The following DST variants were observed in gnomAD, a reference collection of about 807,000 sequenced individuals.
The protein encoded by DST is bullous pemphigoid antigen.
In DST, 253 loss-of-function variants were observed where a neutral mutation model predicts 875.2. The observed-to-expected ratio is 0.29, with a 90% CI of 0.26 to 0.32. The LOEUF (loss-of-function observed/expected upper bound fraction) is 0.32, where lower values mean the gene tolerates loss of function less well. Among genes scored for constraint, DST ranks in the 10% least tolerant of loss-of-function variants. DST has a pLI of 1.00. For missense variants in DST, 8,287 were observed against 9,111.6 expected, an observed-to-expected ratio of 0.91 and a Z score of 3.68; for synonymous variants, 3,124 against 3,197.1, an observed-to-expected ratio of 0.98 and a Z score of 0.77.
At chr6:56,628,873 T>G (rs1216412966) in intron 32 of DST, among the ~76,000 whole-genome samples, 1 of 152,182 alleles carries the variant, frequency 6.6e-6, no homozygotes, top group Non-Finnish European at 1.5e-5. Flanking sequence ...TATTTACATT[T>G]CTTAAGTCCA....
chr6:56,634,136 G>A lies in DST; in HGVS notation c.3617C>T (p.Ala1206Val). 6.2e-7 allele frequency: 1 copy of A among 1,612,994 alleles called. No individual in the cohort carries two copies. Among genetic ancestry groups the A allele is most frequent in the South Asian group, 1.1e-5 (1 of 91,068 alleles). The change falls in exon 27 of 104, where the codon GCT becomes GTT. Residue 1206 changes from alanine to valine, a missense_variant. Physicochemically the swap from Ala to Val is moderately conservative, Grantham distance 64 (BLOSUM62 0). Coordinates refer to ENST00000680361, the MANE Select transcript of DST (RefSeq NM_001374736.1). ...EIDRIRASNV[A>V]SIKTMLPGEH... is the part of the protein sequence containing the mutation. ...GACATACAGATTCATACTTACTGAA[G>A]CCACATTGCTAGCTCGAATTCTATC...
At chr6:56,860,077 G>A (rs1207119216) in intron 3 of DST, among the ~76,000 whole-genome samples, 1 of 152,144 alleles carries the variant, frequency 6.6e-6, no homozygotes, top group Non-Finnish European at 1.5e-5. Context: ...GTAAATACTG[G>A]AAAATTTTCA....
At chr6:56,668,465 AGCACGGTGGCTCATGCCTGT>A (rs1325658008) in intron 10 of DST, among the ~76,000 whole-genome samples, 1 of 152,158 alleles carries the variant, frequency 6.6e-6, no homozygotes, top group East Asian at 1.9e-4. Context: ...CACGCAGCCA[AGCACGGTGGCTCATGCCTGT>A]AATCCTAGCA....
rs2095245206 is a variant in DST at position 56,477,417 on chromosome 6, C to A, written c.21603G>T (p.Leu7201Phe). The A allele has an allele frequency of 6.2e-7, 1 of 1,613,920 alleles. No homozygotes were observed. The stretch of plus-strand genomic sequence containing the variant: ...TGATGGAGTCGGGGTGGCAGATAGC[C>A]AAAACGGTGTCGCCCATAGTGGTGG... ...NKATTMGDTV[L>F]AICHPDSITT... The change falls in exon 91 of 104, where the codon TTG (leucine) becomes TTT (phenylalanine). Residue 7201 changes from leucine to phenylalanine, a missense_variant. Coordinates refer to ENST00000680361, the MANE Select transcript of DST (RefSeq NM_001374736.1).
chr6:56,632,130 G>A, intron 28 of DST, 90 bp from the exon 29 acceptor site: 5 of 931,106 alleles, frequency 5.4e-6, no homozygotes, highest in Non-Finnish European at 6.6e-6. Flanking sequence ...TTATATTACT[G>A]GGACACAGCT....
intron 10 of DST, among the ~76,000 whole-genome samples, chr6:56,662,691 G>A (rs1218708635): frequency 6.6e-6 from 1 of 152,174 alleles, no homozygotes; most frequent in Admixed American, 6.5e-5. Context: ...TGTAATCCCA[G>A]CACTTTGGGA....
chr6:56,759,252 A>T (rs1490245290), intron 4 of DST, among the ~76,000 whole-genome samples: 1 of 152,148 alleles, frequency 6.6e-6, no homozygotes, highest in Non-Finnish European at 1.5e-5. Flanking sequence ...GGAGTTGGAG[A>T]GCCTGGCCAA....
rs1589650235 is a variant in DST at position 56,752,321 on chromosome 6, C to T, written c.626-17032G>A. Among the ~76,000 whole-genome samples, 5 of 145,710 alleles carry T rather than the reference C, an allele frequency of 3.4e-5. 1 individual carries two copies. The East Asian group carries it at 9.9e-4, about 29-fold the overall frequency. On this transcript the variant is annotated intron_variant, in intron 4 of 103. Transcript: ENST00000680361. ...AAAAAGAGCTTGGCTTGATTTTATG[C>T]TTTTTTTTTTTAAATCAAGGTACAA...
chr6:56,891,688 T>A (rs1252262826), intron 3 of DST, among the ~76,000 whole-genome samples: 1 of 151,628 alleles, frequency 6.6e-6, no homozygotes, highest in Non-Finnish European at 1.5e-5. Flanking sequence ...GAGCCGTGAT[T>A]GCGCGACTGC....
intron 4 of DST, among the ~76,000 whole-genome samples, chr6:56,750,197 A>G (rs919119517): frequency 6.6e-6 from 1 of 152,124 alleles, no homozygotes; most frequent in Non-Finnish European, 1.5e-5. Context: ...AATACCCAAA[A>G]CACAACATGT....
At chr6:56,759,384 G>A (rs1208093659) in intron 4 of DST, among the ~76,000 whole-genome samples, 3 of 152,168 alleles carry the variant, frequency 2.0e-5, no homozygotes, top group Admixed American at 6.5e-5. Context: ...CGGGGAGGCA[G>A]AGGTTGCAGT....
At chr6:56,624,473 G>C (rs764329150) in intron 36 of DST, 57 bp downstream of exon 36, 1 of 1,182,786 alleles carries the variant, frequency 8.5e-7, no homozygotes, top group Non-Finnish European at 1.3e-6. Flanking sequence ...CTACACTGTA[G>C]TTACTGCTCA....
At chr6:56,463,236 AAG>A (rs2094425825) in intron 101 of DST, 80 bp from the exon 102 acceptor site, 1 of 816,470 alleles carries the variant, frequency 1.2e-6, no homozygotes, top group Non-Finnish European at 2.0e-6. Context: ...ATTCATAGCA[AAG>A]AGTCACATTT....
At chr6:56,644,318 C>T (rs143325755) in intron 15 of DST, among the ~76,000 whole-genome samples, 3,758 of 152,222 alleles carry the variant, frequency 0.025, 56 homozygotes, top group South Asian at 0.039. Flanking sequence ...TATTATTATA[C>T]TTTAACATAA....
At chr6:56,772,727 T>C (rs1469455785) in intron 4 of DST, among the ~76,000 whole-genome samples, 2 of 152,264 alleles carry the variant, frequency 1.3e-5, no homozygotes, top group Admixed American at 1.3e-4. Context: ...TCCTCAGGAA[T>C]GTTGCTGCCA....
rs775176105 is a variant in DST at position 56,573,899 on chromosome 6, A to T, written c.13028-12T>A. 3 of 1,596,372 alleles carry T rather than the reference A, an allele frequency of 1.9e-6. No homozygotes were observed. The highest frequency in any genetic ancestry group is 2.6e-6 in the Non-Finnish European group (3 of 1,166,706). On this transcript the variant is annotated splice_polypyrimidine_tract_variant and intron_variant, in intron 50 of 103. Transcript: ENST00000680361. ...CCCAACAATGTCATCTACTCCAAAC[A>T]GATCAGGAATATTAACCACAAAGTT...
At chr6:56,472,034 G>C (rs2094925126) in intron 94 of DST, 25 bp downstream of exon 94, 3 of 1,611,454 alleles carry the variant, frequency 1.9e-6, no homozygotes, top group Non-Finnish European at 2.5e-6. Flanking sequence ...TGACAATGTG[G>C]TGTTGAGGGT....
intron 4 of DST, among the ~76,000 whole-genome samples, chr6:56,791,024 GAA>G (rs1236139990): frequency 6.6e-6 from 1 of 152,240 alleles, no homozygotes; most frequent in Admixed American, 6.5e-5. Context: ...CATGGAATGA[GAA>G]AGAGAGGCCA....
At chr6:56,759,898 T>A (rs1400870662) in intron 4 of DST, among the ~76,000 whole-genome samples, 2 of 152,216 alleles carry the variant, frequency 1.3e-5, no homozygotes, top group Non-Finnish European at 2.9e-5. Context: ...AAGTGAGTCC[T>A]TGAAGAATCT....
Sources: allele counts gnomAD v4.1 joint callset (sites outside exome capture counted in the v4.1 genomes callset), GRCh38; gene constraint gnomAD v4.1.1; transcripts MANE v1.5; gene names NCBI Gene and HGNC (gene_info 2026-07-23, HGNC 2026-07-21).